Variants in PCDH15 observed in about 807,000 individuals in gnomAD.
The protein encoded by PCDH15 is protocadherin-15.
PCDH15 carries 129 observed loss-of-function variants against 178.5 expected under a neutral mutation model. That is an observed-to-expected ratio of 0.72 (90% CI 0.63 to 0.84). The LOEUF (loss-of-function observed/expected upper bound fraction) is 0.84, where lower values mean the gene tolerates loss of function less well. Among genes scored for constraint, PCDH15 ranks in the 40% least tolerant of loss-of-function variants. The pLI, the probability that PCDH15 is intolerant of heterozygous loss-of-function variation, is 0.00. For missense variants in PCDH15, 2,230 were observed against 2,099.9 expected (o/e 1.06, Z -1.21); for synonymous variants, 800 against 732.0 (o/e 1.09, Z -1.50).
chr10:55,529,741 GTATATATATATATA>G lies in PCDH15; in HGVS notation c.-156+97870_-156+97883del, dbSNP rs56254743. Among the ~76,000 whole-genome samples, 46 of 62,756 alleles carry G rather than the reference GTATATATATATATA, an allele frequency of 7.3e-4. 1 individual carries two copies. The highest frequency in any genetic ancestry group is 6.7e-3 in the South Asian group (9 of 1,350). The allele number at this position is 62,756 out of a possible 152,430, so 41.2% of individuals were successfully genotyped here. A position where few individuals can be genotyped will look rare whatever the true frequency, so the allele number is the denominator to read the frequency against. On this transcript the variant is annotated intron_variant, in intron 2 of 5. Coordinates refer to the PCDH15 transcript ENST00000613346. The stretch of plus-strand genomic sequence containing the variant: ...TATATATATATGTGTTTGTCTGTGA[GTATATATATATATA>G]TATATATATATATATATATATATTT...
At chr10:54,718,079 G>A (rs2095502643) in intron 1 of PCDH15, among the ~76,000 whole-genome samples, 1 of 149,842 alleles carries the variant, frequency 6.7e-6, no homozygotes, top group Admixed American at 6.7e-5. Context: ...CGTGGACACA[G>A]GAGGGTGAAC....
At chr10:54,421,995 TA>T in intron 3 of PCDH15, among the ~76,000 whole-genome samples, 1 of 147,234 alleles carries the variant, frequency 6.8e-6, no homozygotes, top group Non-Finnish European at 1.5e-5. Flanking sequence ...CCTTTAATTT[TA>T]AAAATTTTAA....
chr10:54,130,789 T>C (rs906881188), intron 15 of PCDH15, among the ~76,000 whole-genome samples: 3 of 152,326 alleles, frequency 2.0e-5, no homozygotes, highest in Admixed American at 2.0e-4. Context: ...TGCTAGAGTG[T>C]GAAAAGGATG....
intron 21 of PCDH15, among the ~76,000 whole-genome samples, chr10:53,985,240 T>G (rs1228752610): frequency 6.6e-6 from 1 of 152,250 alleles, no homozygotes; most frequent in East Asian, 1.9e-4. Flanking sequence ...GGTATTGCTT[T>G]CTTTTTCTAT....
chr10:54,861,900 C>T (rs970334898), intron 3 of PCDH15, among the ~76,000 whole-genome samples: 7 of 152,158 alleles, frequency 4.6e-5, no homozygotes, highest in Non-Finnish European at 8.8e-5. Context: ...TTTTAGTGTG[C>T]ATCTTTCAGG....
chr10:55,056,938 T>C (rs894081481), intron 2 of PCDH15, among the ~76,000 whole-genome samples: 1 of 152,094 alleles, frequency 6.6e-6, no homozygotes, highest in African/African-American at 2.4e-5. Context: ...CTTGCCATTT[T>C]TATCACTATT....
At chr10:54,343,901 TAAATA>T (rs1185744088) in intron 6 of PCDH15, among the ~76,000 whole-genome samples, 1 of 152,176 alleles carries the variant, frequency 6.6e-6, no homozygotes, top group African/African-American at 2.4e-5. Context: ...ATTCATATAT[TAAATA>T]AAATAGTTAT....
At chr10:54,081,083 G>T (rs910700485) in intron 16 of PCDH15, among the ~76,000 whole-genome samples, 1 of 151,834 alleles carries the variant, frequency 6.6e-6, no homozygotes, top group East Asian at 1.9e-4. Context: ...GTATATTTAC[G>T]ATGAATTACA....
intron 2 of PCDH15, among the ~76,000 whole-genome samples, chr10:55,537,523 C>A (rs1841607327): frequency 6.9e-6 from 1 of 144,720 alleles, no homozygotes; most frequent in Non-Finnish European, 1.5e-5. Flanking sequence ...GCAAGCTCCG[C>A]CTCCTGGGTT....
chr10:54,909,007 T>G (rs1745625796), intron 2 of PCDH15, among the ~76,000 whole-genome samples: 1 of 152,148 alleles, frequency 6.6e-6, no homozygotes, highest in African/African-American at 2.4e-5. Flanking sequence ...AGGCAGGTCA[T>G]CCCGACGAGT....
chr10:54,878,436 T>A (rs1478094669), intron 3 of PCDH15, among the ~76,000 whole-genome samples: 1 of 152,186 alleles, frequency 6.6e-6, no homozygotes, highest in African/African-American at 2.4e-5. Flanking sequence ...CCAGAGTGTA[T>A]ACGAGTTAAT....
At chr10:54,759,510 A>G (rs913567079) in intron 1 of PCDH15, among the ~76,000 whole-genome samples, 7 of 152,206 alleles carry the variant, frequency 4.6e-5, no homozygotes, top group Admixed American at 1.3e-4. Flanking sequence ...TTGATATAGA[A>G]ACAACCTGCA....
intron 15 of PCDH15, among the ~76,000 whole-genome samples, chr10:54,113,795 G>GT (rs1480183404): frequency 2.6e-5 from 4 of 151,844 alleles, no homozygotes; most frequent in South Asian, 2.1e-4. Context: ...ATTTGTATTA[G>GT]TTTTTTTCAC....
intron 11 of PCDH15, among the ~76,000 whole-genome samples, chr10:54,193,680 GA>G (rs1421394261): frequency 6.6e-6 from 1 of 152,146 alleles, no homozygotes; most frequent in Admixed American, 6.6e-5. Flanking sequence ...ACTGGCATAT[GA>G]AACTGTGTAT....
chr10:55,542,520 G>A (rs186272752), intron 2 of PCDH15, among the ~76,000 whole-genome samples: 73 of 150,310 alleles, frequency 4.9e-4, no homozygotes, highest in African/African-American at 1.7e-3. Context: ...ATGTATATAT[G>A]TACACATGTA....
intron 2 of PCDH15, among the ~76,000 whole-genome samples, chr10:55,056,643 A>ATT (rs1384194846): frequency 4.9e-5 from 7 of 142,406 alleles, no homozygotes; most frequent in Non-Finnish European, 9.2e-5. Flanking sequence ...TATTATTATT[A>ATT]ATATTTTGAG....
In PCDH15 at chr10:53,822,989, G is replaced by GCTGA. The variant is rs770063261; in HGVS notation, c.4368-2763_4368-2760dup. ...CTTTCCTCATCAGCCTCCTGGGTAA[G>GCTGA]CTGACTGACTGACTCCACAGCCTCT... On this transcript the variant is annotated intron_variant, in intron 32 of 37. Coordinates refer to ENST00000644397, the MANE Select transcript of PCDH15 (RefSeq NM_001384140.1). 2.5e-6 allele frequency: 4 copies of GCTGA among 1,614,036 alleles called. No individual in the cohort carries two copies. The highest frequency in any genetic ancestry group is 1.7e-5 in the Admixed American group (1 of 59,986).
intron 3 of PCDH15, among the ~76,000 whole-genome samples, chr10:54,523,685 C>T (rs1198900536): frequency 2.6e-5 from 4 of 152,088 alleles, no homozygotes; most frequent in African/African-American, 9.7e-5. Context: ...TTTTGAATTA[C>T]TATTTATATC....
chr10:54,972,791 G>A, intron 2 of PCDH15, among the ~76,000 whole-genome samples: 1 of 143,652 alleles, frequency 7.0e-6, no homozygotes, highest in Non-Finnish European at 1.5e-5. Flanking sequence ...GGAGGTTGCA[G>A]TGAGCTGACA....
Sources: gnomAD v4.1 joint callset for allele counts (sites outside exome capture counted in the v4.1 genomes callset) on GRCh38, gnomAD v4.1.1 for gene constraint, MANE v1.5 for transcripts, NCBI Gene and HGNC (gene_info 2026-07-23, HGNC 2026-07-21) for gene names.